Variants in PCNX1 observed in about 807,000 individuals in gnomAD.
PCNX1 encodes pecanex-like protein 1.
In PCNX1, 78 loss-of-function variants were observed where a neutral mutation model predicts 242.2. The ratio of observed to expected loss-of-function variants is 0.32; its 90% confidence interval spans 0.27 to 0.39. The LOEUF (loss-of-function observed/expected upper bound fraction) is 0.39, where lower values mean the gene tolerates loss of function less well. Among genes scored for constraint, PCNX1 ranks in the 10% least tolerant of loss-of-function variants. The probability of loss-of-function intolerance (pLI) is 1.00; values close to 1 mark genes in which losing one functional copy is unlikely to be tolerated. For missense variants in PCNX1, 2,581 were observed against 2,856.5 expected (o/e 0.90, Z 2.20); for synonymous variants, 1,024 against 1,032.9 (o/e 0.99, Z 0.17).
At chr14:70,982,882 T>C (rs958634168) in intron 6 of PCNX1, among the ~76,000 whole-genome samples, 1 of 152,228 alleles carries the variant, frequency 6.6e-6, no homozygotes, top group Admixed American at 6.5e-5. Context: ...TGTGCCTCAA[T>C]TTCCTCAACT....
Position 71,051,888 on chromosome 14 carries a change from G to T in PCNX1, c.4453G>T (p.Ala1485Ser). The change falls in exon 24 of 36, where the codon GCC becomes TCC. Residue 1485 changes from alanine (A) to serine (S), a missense_variant. Ala to Ser is a moderately conservative substitution (Grantham distance 99). Around this residue, in one of 9 missense-constraint regions of PCNX1, gnomAD observed 99 missense variants for 147.3 expected, o/e 0.67. Coordinates refer to ENST00000304743, the MANE Select transcript of PCNX1 (RefSeq NM_014982.3). Reference protein sequence around the residue: ...FAQPFAVPHSAMLFIQAAVSA... With the variant: ...FAQPFAVPHSSMLFIQAAVSA... ...CTTAACTAGTTTTCCCATAGATTCA[G>T]CCATGCTGTTTATTCAGGCTGCTGT... 1 of 1,612,866 alleles carries T rather than the reference G, an allele frequency of 6.2e-7. No individual in the cohort carries two copies. The highest frequency in any genetic ancestry group is 1.3e-5 in the African/African-American group (1 of 75,008).
At chr14:70,928,637 T>G (rs1039610689) in intron 1 of PCNX1, among the ~76,000 whole-genome samples, 3 of 152,190 alleles carry the variant, frequency 2.0e-5, no homozygotes, top group Non-Finnish European at 4.4e-5. Context: ...TTAGGTTTAC[T>G]AAGAAAATCA....
chr14:71,108,805 G>T lies in PCNX1; in HGVS notation c.6503G>T (p.Arg2168Leu). 3.1e-6 allele frequency: 5 copies of T among 1,614,190 alleles called. No individual in the cohort carries two copies. The highest frequency in any genetic ancestry group is 4.2e-6 in the Non-Finnish European group (5 of 1,180,034). ...AACTTGCCATCATCCATCCAATCCC[G>T]ACTGTCGATGGTGAACCAAATGGAA... ...LRNLPSSIQS[R>L]LSMVNQMEPS... Residue 2168 changes from arginine (R) to leucine (L), a missense_variant, in exon 34 of 36, where the codon CGA becomes CTA. This residue lies in a region of PCNX1 where 432 missense variants were observed against 433.6 expected (regional missense o/e 1.00). Transcript: ENST00000304743.
At chr14:71,064,377 T>G (rs2061397225) in intron 26 of PCNX1, among the ~76,000 whole-genome samples, 1 of 152,142 alleles carries the variant, frequency 6.6e-6, no homozygotes, top group Non-Finnish European at 1.5e-5. Context: ...ACATTCTGCT[T>G]TAATTCAGGT....
intron 2 of PCNX1, among the ~76,000 whole-genome samples, chr14:70,958,591 T>G (rs1480769307): frequency 6.6e-6 from 1 of 152,194 alleles, no homozygotes; most frequent in Non-Finnish European, 1.5e-5. Context: ...TTATTTTGGC[T>G]TCTTAGAACA....
At chr14:71,015,274 G>A (rs1005514572) in intron 11 of PCNX1, among the ~76,000 whole-genome samples, 1 of 152,102 alleles carries the variant, frequency 6.6e-6, no homozygotes, top group African/African-American at 2.4e-5. Flanking sequence ...AAGATAAATG[G>A]AAATGGTAAG....
At chr14:70,935,839 G>A (rs956818334) in intron 1 of PCNX1, among the ~76,000 whole-genome samples, 5 of 152,282 alleles carry the variant, frequency 3.3e-5, no homozygotes, top group African/African-American at 1.2e-4. Flanking sequence ...ATATTAAGAT[G>A]GGTGATCATG....
intron 30 of PCNX1, among the ~76,000 whole-genome samples, chr14:71,099,545 A>T (rs1467503640): frequency 2.0e-5 from 3 of 152,134 alleles, no homozygotes; most frequent in African/African-American, 7.2e-5. Flanking sequence ...GATAAAAATA[A>T]TGTATAGTCT....
rs74061491 is a variant in PCNX1, at chr14:70,931,098, C to T, written c.154-15817C>T. ...TTTGAGTACTAAACCCTTCTTTCTC[C>T]CTTCTCACCAGCATTCTCTCCATCC... is the stretch of plus-strand genomic sequence containing the variant. On this transcript the variant is annotated intron_variant, in intron 1 of 35. Coordinates refer to ENST00000304743, the MANE Select transcript of PCNX1 (RefSeq NM_014982.3). 8.6e-3 allele frequency among the ~76,000 whole-genome samples: 1,315 copies of T among 152,136 alleles called. 26 individuals carry two copies. The highest frequency in any genetic ancestry group is 0.03 in the African/African-American group (1,241 of 41,500).
At chr14:71,053,445 G>A (rs2061096127) in intron 24 of PCNX1, 2 of 357,050 alleles carry the variant, frequency 5.6e-6, no homozygotes. Context: ...AGCCTCCCGA[G>A]TAGCTGGGAT....
chr14:70,939,016 GTCTTT>G (rs2057125099), intron 1 of PCNX1, among the ~76,000 whole-genome samples: 2 of 151,982 alleles, frequency 1.3e-5, no homozygotes, highest in East Asian at 3.9e-4. Flanking sequence ...TGATTCTTCT[GTCTTT>G]TCTTCTTTAT....
rs1411800261 is a variant in PCNX1 at position 71,011,563 on chromosome 14, T to G, written c.2778+14T>G. 2 of 1,389,082 alleles carry G rather than the reference T, an allele frequency of 1.4e-6. No individual in the cohort carries two copies. Among genetic ancestry groups the G allele is most frequent in the African/African-American group, 2.9e-5 (2 of 69,870 alleles). 86.0% of individuals were successfully genotyped at this position (1,389,082 alleles called of 1,614,324 possible). A position where few individuals can be genotyped will look rare whatever the true frequency, so the allele number is the denominator to read the frequency against. ...CCACATGATGTGGTAGGTTTTTCTT[T>G]ATTTTTACAACATGATAAATTTTCA... is the stretch of plus-strand genomic sequence containing the variant. On this transcript the variant is annotated intron_variant, in intron 10 of 35. Coordinates refer to ENST00000304743, the MANE Select transcript of PCNX1 (RefSeq NM_014982.3).
chr14:71,047,662 C>A, intron 21 of PCNX1, 145 bp from the exon 22 acceptor site: 2 of 572,750 alleles, frequency 3.5e-6, no homozygotes, highest in Non-Finnish European at 6.1e-6. Flanking sequence ...ATGTGATTTA[C>A]CTAGCTCTAT....
At chr14:71,013,652 A>C (rs962127412) in intron 11 of PCNX1, among the ~76,000 whole-genome samples, 1 of 151,852 alleles carries the variant, frequency 6.6e-6, no homozygotes, top group East Asian at 1.9e-4. Context: ...TGGATTTATC[A>C]TCTCATGTGA....
At chr14:70,933,488 A>G (rs1566583618) in intron 1 of PCNX1, among the ~76,000 whole-genome samples, 1 of 152,154 alleles carries the variant, frequency 6.6e-6, no homozygotes, top group Non-Finnish European at 1.5e-5. Context: ...TGAAATTTGG[A>G]TTTGTGTCTA....
intron 30 of PCNX1, chr14:71,092,468 T>C (rs1423641420): frequency 1.3e-5 from 2 of 152,224 alleles, no homozygotes; most frequent in African/African-American, 2.4e-5. Context: ...AGAAAGAGCT[T>C]TGGCTTTAAA....
At position 71,045,119 on chromosome 14, in the gene PCNX1, A is replaced by G. The variant is rs538776419; in HGVS notation, c.3868-14A>G. The G allele has an allele frequency of 6.0e-4, 944 of 1,561,996 alleles. 14 individuals are homozygous for G. The South Asian group carries it at 0.011, about 18-fold the overall frequency. ...AATCACTCCTAATTTTATCACTTCT[A>G]TTATTTTTTTTAGCCTGCCCTCAAG... On this transcript the variant is annotated splice_polypyrimidine_tract_variant and intron_variant, in intron 19 of 35. Coordinates refer to ENST00000304743, the MANE Select transcript of PCNX1 (RefSeq NM_014982.3).
intron 23 of PCNX1, 54 bp from the exon 24 acceptor site, chr14:71,051,829 G>T: frequency 6.3e-7 from 1 of 1,575,114 alleles, no homozygotes; most frequent in South Asian, 1.2e-5. Context: ...GCGAGGGTTT[G>T]TTTGGCATCT....
intron 26 of PCNX1, among the ~76,000 whole-genome samples, chr14:71,070,762 T>G (rs938203998): frequency 6.6e-6 from 1 of 152,214 alleles, no homozygotes; most frequent in African/African-American, 2.4e-5. Context: ...GGTTCTAGCA[T>G]TTTTGAAATG....
Sources: gnomAD v4.1 joint callset for allele counts (sites outside exome capture counted in the v4.1 genomes callset) on GRCh38, gnomAD v4.1.1 for gene constraint, gnomAD v4.1.1 regional missense constraint, MANE v1.5 for transcripts, NCBI Gene and HGNC (gene_info 2026-07-23, HGNC 2026-07-21) for gene names.